Variants in UBB observed in about 807,000 individuals in gnomAD.
UBB encodes polyubiquitin-B.
UBB carries 11 observed loss-of-function variants against 12.5 expected under a neutral mutation model. The observed-to-expected ratio is 0.88, with a 90% CI of 0.55 to 1.45. UBB has a LOEUF of 1.45. Ranked by LOEUF, UBB falls within the 40% of genes most tolerant of loss-of-function variation. The probability of loss-of-function intolerance (pLI) is 0.00; values close to 1 mark genes in which losing one functional copy is unlikely to be tolerated. For synonymous variants in UBB, 168 were observed against 120.1 expected, an observed-to-expected ratio of 1.40 and a Z score of -2.61; for missense variants, 76 against 286.9, an observed-to-expected ratio of 0.26 and a Z score of 5.31.
At position 16,382,683 on chromosome 17, in the gene UBB, A is replaced by C; in HGVS notation, c.*86A>C. 2 of 1,516,974 alleles carry C rather than the reference A, an allele frequency of 1.3e-6. No homozygotes were observed. Among genetic ancestry groups the C allele is most frequent in the South Asian group, 2.4e-5 (2 of 83,610 alleles). The allele number at this position is 1,516,974 out of a possible 1,614,324, so 94.0% of individuals were successfully genotyped here. A position where few individuals can be genotyped will look rare whatever the true frequency, so the allele number is the denominator to read the frequency against. ...GCCCCAACTTAAGTTTAGAAATTAC[A>C]AGTTTCAGTAATAGCTGAACCTGTT... On this transcript the variant is annotated 3_prime_UTR_variant, in exon 2 of 2. Transcript: ENST00000302182.
In UBB at chr17:16,382,582, G is replaced by T. The variant is rs775072765; in HGVS notation, c.675G>T (p.Leu225=). The change falls in exon 2 of 2, where the codon CTG becomes CTT. Residue 225 remains leucine, a synonymous_variant. Transcript: ENST00000302182. ...KESTLHLVLR[L]RGGC Reference sequence around the variant, plus strand: ...CGACCCTGCACCTGGTCCTGCGCCTGAGGGGTGGCTGTTAATTCTTCAGTC... The same window carrying T: ...CGACCCTGCACCTGGTCCTGCGCCTTAGGGGTGGCTGTTAATTCTTCAGTC... 6.2e-7 allele frequency: 1 copy of T among 1,613,984 alleles called. No homozygotes were observed. The highest frequency in any genetic ancestry group is 8.5e-7 in the Non-Finnish European group (1 of 1,179,888).
At chr17:16,380,954 T>G (rs1049670546), upstream of UBB, 4 of 153,634 alleles carry the variant, frequency 2.6e-5, no homozygotes, top group African/African-American at 9.7e-5. Flanking sequence ...TGGGGCTCAG[T>G]TGAAAAGCCT....
chr17:16,381,925 A>C lies in UBB; in HGVS notation c.18A>C (p.Lys6Asn), dbSNP rs574069006. The C allele has an allele frequency of 6.2e-7, 1 of 1,613,904 alleles. No homozygotes were observed. The change falls in exon 2 of 2, where the codon AAA becomes AAC. Residue 6 changes from lysine (K) to asparagine (N), a missense_variant. Coordinates refer to ENST00000302182, the MANE Select transcript of UBB (RefSeq NM_018955.4). ...AGGTCAAAATGCAGATCTTCGTGAA[A>C]ACCCTTACCGGCAAGACCATCACCC... The part of the protein sequence containing the change: MQIFV[K>N]TLTGKTITLE...
chr17:16,380,885 G>C (rs144217967), upstream of UBB: 44 of 153,858 alleles, frequency 2.9e-4, no homozygotes, highest in African/African-American at 1.0e-3. Flanking sequence ...AGGAAGAGAA[G>C]CGCATAGAGG....
Position 16,382,693 on chromosome 17 carries a change from A to G in UBB, c.*96A>G. The G allele has an allele frequency of 3.4e-6, 5 of 1,483,242 alleles. No homozygotes were observed. Among genetic ancestry groups the G allele is most frequent in the Non-Finnish European group, 3.7e-6 (4 of 1,091,754 alleles). The allele number at this position is 1,483,242 out of a possible 1,614,324, so 91.9% of individuals were successfully genotyped here. A position where few individuals can be genotyped will look rare whatever the true frequency, so the allele number is the denominator to read the frequency against. On this transcript the variant is annotated 3_prime_UTR_variant, in exon 2 of 2. Transcript: ENST00000302182. Reference sequence around the variant, plus strand: ...AAGTTTAGAAATTACAAGTTTCAGTAATAGCTGAACCTGTTCAAAATGTTA... The same window carrying G: ...AAGTTTAGAAATTACAAGTTTCAGTGATAGCTGAACCTGTTCAAAATGTTA...
At chr17:16,381,566 T>C (rs1218444543) in intron 1 of UBB, 3 of 304,536 alleles carry the variant, frequency 9.9e-6, no homozygotes, top group Non-Finnish European at 1.2e-5. Context: ...GTCTTGTGGG[T>C]TTGGTTTTGT....
intron 1 of UBB, 22 bp from the exon 2 acceptor site, chr17:16,381,880 T>C (rs1167032845): frequency 3.1e-6 from 5 of 1,612,672 alleles, no homozygotes; most frequent in Non-Finnish European, 4.2e-6. Flanking sequence ...GGTGACACGC[T>C]TATGTTTTAC....
intron 1 of UBB, chr17:16,381,385 C>T (rs1054040285): frequency 2.9e-5 from 5 of 173,776 alleles, no homozygotes; most frequent in Admixed American, 5.5e-5. Context: ...GGCGCGCGCG[C>T]GCGTTGACGG....
rs2142925210 is a variant in UBB at position 16,382,020 on chromosome 17, C to G, written c.113C>G (p.Pro38Arg). Residue 38 changes from proline to arginine, a missense_variant, in exon 2 of 2, where the codon CCC (proline) becomes CGC (arginine). By Grantham distance (103) the Pro-to-Arg change is moderately radical. Coordinates refer to ENST00000302182, the MANE Select transcript of UBB (RefSeq NM_018955.4). Reference sequence around the variant, plus strand: ...ATCCAGGATAAGGAAGGCATTCCCCCCGACCAGCAGAGGCTCATCTTTGCA... The same window carrying G: ...ATCCAGGATAAGGAAGGCATTCCCCGCGACCAGCAGAGGCTCATCTTTGCA... ...AKIQDKEGIP[P>R]DQQRLIFAGK... 2 of 1,612,340 alleles carry G rather than the reference C, an allele frequency of 1.2e-6. No individual in the cohort carries two copies. Among genetic ancestry groups the G allele is most frequent in the Non-Finnish European group, 8.5e-7 (1 of 1,179,454 alleles).
At chr17:16,381,525 C>A in intron 1 of UBB, 1 of 253,440 alleles carries the variant, frequency 3.9e-6, no homozygotes, top group Non-Finnish European at 7.7e-6. Context: ...GGTGCCCCTT[C>A]TTGTGTTTCA....
Position 16,382,646 on chromosome 17 carries a change from C to T in UBB, c.*49C>T, listed in dbSNP as rs1568884781. Reference sequence around the variant, plus strand: ...TGCCCAGTGATGGCATTACTCTGCACTATAGCCATTTGCCCCAACTTAAGT... The same window carrying T: ...TGCCCAGTGATGGCATTACTCTGCATTATAGCCATTTGCCCCAACTTAAGT... On this transcript the variant is annotated 3_prime_UTR_variant, in exon 2 of 2. Coordinates refer to ENST00000302182, the MANE Select transcript of UBB (RefSeq NM_018955.4). 1.2e-5 allele frequency: 19 copies of T among 1,598,664 alleles called. No homozygotes were observed. Among genetic ancestry groups the T allele is most frequent in the Non-Finnish European group, 1.6e-5 (19 of 1,170,330 alleles).
rs570202063 is a variant in UBB at position 16,382,144 on chromosome 17, C to A, written c.237C>A (p.Ile79=). 1.2e-6 allele frequency: 2 copies of A among 1,607,620 alleles called. No homozygotes were observed. Among genetic ancestry groups the A allele is most frequent in the Non-Finnish European group, 1.7e-6 (2 of 1,178,646 alleles). ...TGCGTCTGAGAGGTGGTATGCAGAT[C>A]TTCGTGAAGACCCTGACCGGCAAGA... ...LVLRLRGGMQ[I]FVKTLTGKTI... is the part of the protein sequence containing the mutation. Residue 79 remains isoleucine, a synonymous_variant, in exon 2 of 2, where the codon ATC becomes ATA. Transcript: ENST00000302182.
intron 1 of UBB, chr17:16,381,641 A>C (rs754290796): frequency 9.4e-6 from 5 of 533,554 alleles, no homozygotes; most frequent in East Asian, 3.5e-5. Flanking sequence ...GGGAGTTTGA[A>C]TATCCGGAAC....
chr17:16,382,156 C>T lies in UBB; in HGVS notation c.249C>T (p.Thr83=). 1 of 1,608,026 alleles carries T rather than the reference C, an allele frequency of 6.2e-7. No individual in the cohort carries two copies. Among genetic ancestry groups the T allele is most frequent in the Admixed American group, 1.7e-5 (1 of 59,132 alleles). The change falls in exon 2 of 2, where the codon ACC becomes ACT. Residue 83 remains threonine, a synonymous_variant. Coordinates refer to ENST00000302182, the MANE Select transcript of UBB (RefSeq NM_018955.4). ...GTGGTATGCAGATCTTCGTGAAGAC[C>T]CTGACCGGCAAGACCATCACCCTGG... is the stretch of plus-strand genomic sequence containing the variant. ...LRGGMQIFVK[T]LTGKTITLEV... is the part of the protein sequence containing the mutation.
rs1477088315 is a variant in UBB at position 16,381,348 on chromosome 17, G to T, written c.-7+164G>T. 2.9e-5 allele frequency: 5 copies of T among 173,620 alleles called. 1 individual carries two copies. In the East Asian group the frequency reaches 4.8e-4, roughly 17 times the overall value. 10.8% of individuals were successfully genotyped at this position (173,620 alleles called of 1,614,324 possible). A position where few individuals can be genotyped will look rare whatever the true frequency, so the allele number is the denominator to read the frequency against. On this transcript the variant is annotated intron_variant, in intron 1 of 1. Coordinates refer to ENST00000302182, the MANE Select transcript of UBB (RefSeq NM_018955.4). Reference sequence around the variant, plus strand: ...GGGCCTTTCCGGGACAGTGGGCCTTGTTGACCTGAGGGGGGCGAGGGCGGT... The same window carrying T: ...GGGCCTTTCCGGGACAGTGGGCCTTTTTGACCTGAGGGGGGCGAGGGCGGT...
rs1175623750 is a variant in UBB, at chr17:16,381,521, C to T, written c.-7+337C>T. The T allele has an allele frequency of 6.5e-5, 16 of 244,944 alleles. 1 individual carries two copies. In the Admixed American group the frequency reaches 7.2e-4, roughly 11 times the overall value. The allele number at this position is 244,944 out of a possible 1,614,324, so 15.2% of individuals were successfully genotyped here. On this transcript the variant is annotated intron_variant, in intron 1 of 1. Transcript: ENST00000302182. ...GGAATCCCAGTGTGAGAAAGGTGCC[C>T]CTTCTTGTGTTTCAATGGGATTTTT...
chr17:16,381,252 A>G (rs1445449183), intron 1 of UBB, 68 bp downstream of exon 1: 18 of 51,636 alleles, frequency 3.5e-4, no homozygotes, highest in African/African-American at 1.6e-3. Context: ...GTCAAGGTGG[A>G]GGCTTCTTGG....
upstream of UBB, chr17:16,380,795 G>A (rs2093272081): frequency 6.5e-6 from 1 of 153,182 alleles, no homozygotes; most frequent in Non-Finnish European, 1.5e-5. Context: ...GGCGCTGCAA[G>A]GAAGTTTCCA....
rs2093280644 is a variant in UBB, at chr17:16,382,649, T to C, written c.*52T>C. ...CCAGTGATGGCATTACTCTGCACTA[T>C]AGCCATTTGCCCCAACTTAAGTTTA... On this transcript the variant is annotated 3_prime_UTR_variant, in exon 2 of 2. Transcript: ENST00000302182. 3.1e-6 allele frequency: 5 copies of C among 1,594,414 alleles called. No homozygotes were observed. The South Asian group carries it at 4.4e-5, about 14-fold the overall frequency.
Sources: allele counts gnomAD v4.1 joint callset, GRCh38; gene constraint gnomAD v4.1.1; transcripts MANE v1.5; gene names NCBI Gene and HGNC (gene_info 2026-07-23, HGNC 2026-07-21).